The following TAF5L variants were observed in gnomAD, a reference collection of about 807,000 sequenced individuals.
TAF5L encodes TAF5-like RNA polymerase II p300/CBP-associated factor-associated factor 65 kDa subunit 5L.
Under a neutral mutation model 51.3 loss-of-function variants are expected in TAF5L, and 7 were observed. That is an observed-to-expected ratio of 0.14 (90% CI 0.08 to 0.26). The LOEUF is 0.26. Among genes scored for constraint, TAF5L ranks in the 10% least tolerant of loss-of-function variants. The pLI is 1.00. For synonymous variants in TAF5L, 291 were observed against 308.1 expected, an observed-to-expected ratio of 0.94 and a Z score of 0.58; for missense variants, 575 against 758.9, an observed-to-expected ratio of 0.76 and a Z score of 2.85.
In TAF5L at chr1:229,602,978, C is replaced by A; in HGVS notation, c.248-59G>T. ...GCATAATCTTACAGAATAACGTGATCCCTCCTGGGGATCACCACCATCATA... is the reference window on the plus strand; with the variant it reads ...GCATAATCTTACAGAATAACGTGATACCTCCTGGGGATCACCACCATCATA... On this transcript the variant is annotated intron_variant, in intron 3 of 4. Transcript: ENST00000258281. The surrounding 1 kb of genome is among the most constrained non-coding windows in gnomAD (Gnocchi z 4.6). The A allele has an allele frequency of 6.6e-7, 1 of 1,513,472 alleles. No homozygotes were observed. The highest frequency in any genetic ancestry group is 8.8e-7 in the Non-Finnish European group (1 of 1,142,386). The allele number at this position is 1,513,472 out of a possible 1,614,324, so 93.8% of individuals were successfully genotyped here.
chr1:229,611,333 A>G (rs561054191), intron 2 of TAF5L, among the ~76,000 whole-genome samples: 2 of 152,300 alleles, frequency 1.3e-5, no homozygotes, highest in East Asian at 3.9e-4. Context: ...AGTGGGGAAC[A>G]CCGGGGAAAG....
chr1:229,601,547 T>A, intron 4 of TAF5L: 2 of 985,626 alleles, frequency 2.0e-6, no homozygotes, highest in Non-Finnish European at 2.4e-6. Flanking sequence ...CCTAAACGGT[T>A]ACAAGCCAAA....
At chr1:229,604,185 T>TC (rs1320184091) in intron 3 of TAF5L, among the ~76,000 whole-genome samples, 124 of 152,108 alleles carry the variant, frequency 8.2e-4, no homozygotes, top group African/African-American at 2.9e-3. Flanking sequence ...TTTTTTTTTT[T>TC]TTCATGAAAA....
At chr1:229,601,875 T>G in intron 4 of TAF5L, 2 of 1,116,902 alleles carry the variant, frequency 1.8e-6, no homozygotes, top group Non-Finnish European at 2.2e-6. Context: ...CACACATAAG[T>G]GTATATTTAC....
intron 4 of TAF5L, among the ~76,000 whole-genome samples, chr1:229,596,118 T>A (rs112953372): frequency 6.6e-6 from 1 of 151,902 alleles, no homozygotes; most frequent in Non-Finnish European, 1.5e-5. Context: ...CAAAAAAATT[T>A]AAAAAATTAG....
At chr1:229,619,044 T>G (rs1467140207) in intron 1 of TAF5L, among the ~76,000 whole-genome samples, 1 of 152,224 alleles carries the variant, frequency 6.6e-6, no homozygotes, top group East Asian at 1.9e-4. Flanking sequence ...GGCAAATTTA[T>G]GTTTATAACA....
chr1:229,602,854 G>C lies in TAF5L; in HGVS notation c.313C>G (p.Leu105Val). 1 of 1,610,480 alleles carries C rather than the reference G, an allele frequency of 6.2e-7. No homozygotes were observed. Among genetic ancestry groups the C allele is most frequent in the Non-Finnish European group, 8.5e-7 (1 of 1,180,028 alleles). Reference sequence around the variant, plus strand: ...TTCGGACTGTTTTGGACCAGGTTGAGATGGAGGTAGACAAAGAGAGGATAG... The same window carrying C: ...TTCGGACTGTTTTGGACCAGGTTGACATGGAGGTAGACAAAGAGAGGATAG... Residue 105 changes from leucine to valine, a missense_variant, in exon 4 of 5, where the codon CTC becomes GTC. Coordinates refer to ENST00000258281, the Ensembl canonical transcript of TAF5L. This position sits in a 1 kb window ranked among gnomAD's most constrained non-coding sequence, Gnocchi z 4.6.
chr1:229,594,495 C>T lies in TAF5L; in HGVS notation c.1572G>A (p.Leu524=). The change falls in exon 5 of 5, where the codon TTG becomes TTA. Residue 524 remains leucine, a synonymous_variant. Transcript: ENST00000258281. The surrounding 1 kb of genome is among the most constrained non-coding windows in gnomAD (Gnocchi z 7.9). ...AGTTGTCCATGGAGGCAGAGGCAATCAAGCCGCTGTCTGGACTGAAGGTGA... is the reference window on the plus strand; with the variant it reads ...AGTTGTCCATGGAGGCAGAGGCAATTAAGCCGCTGTCTGGACTGAAGGTGA... 6.2e-7 allele frequency: 1 copy of T among 1,614,120 alleles called. No homozygotes were observed. The highest frequency in any genetic ancestry group is 8.5e-7 in the Non-Finnish European group (1 of 1,180,004).
At chr1:229,595,737 C>T (rs1044165448) in intron 4 of TAF5L, among the ~76,000 whole-genome samples, 2 of 151,514 alleles carry the variant, frequency 1.3e-5, no homozygotes, top group Non-Finnish European at 2.9e-5. Context: ...GTGATCTCGG[C>T]TCACCACAAC....
intron 2 of TAF5L, among the ~76,000 whole-genome samples, chr1:229,611,184 G>A (rs1046868428): frequency 3.3e-5 from 5 of 152,026 alleles, no homozygotes; most frequent in African/African-American, 7.3e-5. Context: ...GCAGTATTCC[G>A]GGCATATGAA....
chr1:229,624,182 G>C (rs1665329600), intron 1 of TAF5L, among the ~76,000 whole-genome samples: 1 of 152,222 alleles, frequency 6.6e-6, no homozygotes, highest in African/African-American at 2.4e-5. Context: ...TTACTGAGTA[G>C]TTAAGTGAGG....
At chr1:229,615,543 G>A (rs1032679353) in intron 1 of TAF5L, among the ~76,000 whole-genome samples, 2 of 151,008 alleles carry the variant, frequency 1.3e-5, no homozygotes, top group East Asian at 1.9e-4. Context: ...GAAGTGACCT[G>A]AACAGAAGTA....
chr1:229,616,914 T>C (rs922639195), intron 1 of TAF5L, among the ~76,000 whole-genome samples: 3 of 152,242 alleles, frequency 2.0e-5, no homozygotes, highest in Middle Eastern at 3.4e-3. Context: ...GGGTACTAGG[T>C]GTGTGATTGT....
intron 1 of TAF5L, 131 bp from the exon 2 acceptor site, chr1:229,614,616 A>T: frequency 8.5e-7 from 1 of 1,170,682 alleles, no homozygotes; most frequent in Non-Finnish European, 1.2e-6. Context: ...TGGCCTAGTT[A>T]AGACGCAAAT....
Position 229,602,693 on chromosome 1 carries a change from G to C in TAF5L, c.474C>G (p.Phe158Leu). The C allele has an allele frequency of 6.2e-7, 1 of 1,614,126 alleles. No homozygotes were observed. The highest frequency in any genetic ancestry group is 2.2e-5 in the East Asian group (1 of 44,876). Residue 158 changes from phenylalanine to leucine, a missense_variant, in exon 4 of 5, where the codon TTC becomes TTG. By Grantham distance (22) the Phe-to-Leu change is conservative. Coordinates refer to ENST00000258281, the Ensembl canonical transcript of TAF5L. This position sits in a 1 kb window ranked among gnomAD's most constrained non-coding sequence, Gnocchi z 4.6. Reference sequence around the variant, plus strand: ...GACGGACCACGTACTTGTTATCTAGGAATGCTCGAAGCTTGAAGTTAGATA... The same window carrying C: ...GACGGACCACGTACTTGTTATCTAGCAATGCTCGAAGCTTGAAGTTAGATA...
chr1:229,614,289 C>T (rs7547607), intron 2 of TAF5L, 52 bp downstream of exon 2: 361,521 of 1,613,788 alleles, frequency 0.22, 41,930 homozygotes, highest in Middle Eastern at 0.26. Context: ...TGGATATTGA[C>T]GTGAGTTCTC....
At chr1:229,601,375 A>AT in intron 4 of TAF5L, 5 of 985,444 alleles carry the variant, frequency 5.1e-6, no homozygotes, top group Non-Finnish European at 6.0e-6. Flanking sequence ...TTCAGTGGTG[A>AT]TAAGACAAAA....
At chr1:229,614,430 T>C (rs1664899424) in exon 2 of TAF5L, 3 of 1,614,212 alleles carry the variant, frequency 1.9e-6, no homozygotes. Context: ...CTGCCGGCGT[T>C]TGAGGTAGCA....
At chr1:229,606,506 T>G (rs891160986) in intron 3 of TAF5L, 10 of 985,224 alleles carry the variant, frequency 1.0e-5, no homozygotes, top group Non-Finnish European at 1.2e-5. Flanking sequence ...GATACTAAAT[T>G]AAACAAAACT....
Sources: gnomAD v4.1 joint callset for allele counts (sites outside exome capture counted in the v4.1 genomes callset) on GRCh38, gnomAD v4.1.1 for gene constraint, Gnocchi (gnomAD v3.1) non-coding constraint, MANE v1.5 for transcripts, NCBI Gene and HGNC (gene_info 2026-07-23, HGNC 2026-07-21) for gene names.